ANK3: variants seen among roughly 807,000 people sequenced by gnomAD.
ANK3 encodes the protein ankyrin-3.
In ANK3, 57 loss-of-function variants were observed where a neutral mutation model predicts 370.9. That is an observed-to-expected ratio of 0.15 (90% CI 0.12 to 0.19). The LOEUF (loss-of-function observed/expected upper bound fraction) is 0.19. ANK3 is among the 10% of genes least tolerant of loss of function. The pLI is 1.00. For synonymous variants in ANK3, 1,929 were observed against 1,946.3 expected, an observed-to-expected ratio of 0.99 and a Z score of 0.23; for missense variants, 4,439 against 5,302.1, an observed-to-expected ratio of 0.84 and a Z score of 5.06.
intron 36 of ANK3, among the ~76,000 whole-genome samples, chr10:60,079,082 C>G (rs1028551904): frequency 6.6e-6 from 1 of 151,842 alleles, no homozygotes; most frequent in African/African-American, 2.4e-5. Context: ...TCTCAACCAA[C>G]TACCCACTGA....
At chr10:60,673,891 A>T (rs1178378490) in intron 1 of ANK3, among the ~76,000 whole-genome samples, 2 of 152,136 alleles carry the variant, frequency 1.3e-5, no homozygotes, top group Non-Finnish European at 2.9e-5. Context: ...GCATGATGCA[A>T]GGTGTTTGGT....
intron 43 of ANK3, among the ~76,000 whole-genome samples, chr10:60,036,832 C>G (rs967579858): frequency 4.6e-5 from 7 of 152,162 alleles, no homozygotes; most frequent in African/African-American, 1.7e-4. Flanking sequence ...GTAATCACAT[C>G]TGTTCACTGG....
intron 4 of ANK3, among the ~76,000 whole-genome samples, chr10:60,276,239 T>C (rs541097611): frequency 6.6e-6 from 1 of 152,322 alleles, no homozygotes; most frequent in East Asian, 1.9e-4. Context: ...TTTTACCCTA[T>C]TTTTTGTTGG....
intron 2 of ANK3, among the ~76,000 whole-genome samples, chr10:60,553,451 T>A (rs1475664601): frequency 2.0e-5 from 3 of 151,530 alleles, no homozygotes; most frequent in African/African-American, 7.2e-5. Context: ...TAATTCATAA[T>A]ATATTTTTAA....
At chr10:60,455,557 A>T (rs776860538) in intron 2 of ANK3, among the ~76,000 whole-genome samples, 1 of 152,180 alleles carries the variant, frequency 6.6e-6, no homozygotes, top group African/African-American at 2.4e-5. Context: ...TCATTGTTTA[A>T]ATAGTTTAAA....
chr10:60,691,210 T>C (rs1189961254), intron 1 of ANK3, among the ~76,000 whole-genome samples: 1 of 152,154 alleles, frequency 6.6e-6, no homozygotes, highest in South Asian at 2.1e-4. Context: ...CTGTGCTCAG[T>C]AGCTGGGTGA....
intron 2 of ANK3, among the ~76,000 whole-genome samples, chr10:60,403,125 CTT>C (rs1004266983): frequency 1.9e-4 from 29 of 152,070 alleles, no homozygotes; most frequent in African/African-American, 6.0e-4. Flanking sequence ...AAAAATACAA[CTT>C]ATCAAAACTG....
rs75874350 is a variant in ANK3, at chr10:60,284,618, A to G, written c.115-4979T>C. ...CATCAGTTCATCCATTTGTCTCTCC[A>G]TCCATTGAATTAACTATTTTAGGCA... On this transcript the variant is annotated intron_variant, in intron 1 of 43. Transcript: ENST00000280772. 9.3e-3 allele frequency among the ~76,000 whole-genome samples: 1,412 copies of G among 152,208 alleles called. 23 individuals are homozygous for G. Among genetic ancestry groups the G allele is most frequent in the African/African-American group, 0.033 (1,360 of 41,516 alleles).
chr10:60,588,462 C>T (rs867646589), intron 2 of ANK3, among the ~76,000 whole-genome samples: 2 of 151,550 alleles, frequency 1.3e-5, no homozygotes, highest in African/African-American at 2.4e-5. Context: ...GGATTACAGG[C>T]GTGAGCCACA....
intron 32 of ANK3, chr10:60,084,146 CAT>C: frequency 6.5e-6 from 1 of 154,174 alleles, no homozygotes; most frequent in Non-Finnish European, 1.4e-5. Flanking sequence ...CGTGGTGACT[CAT>C]GTAATGCCAG....
intron 1 of ANK3, among the ~76,000 whole-genome samples, chr10:60,368,230 T>C (rs1015644489): frequency 1.1e-4 from 16 of 149,532 alleles, no homozygotes; most frequent in African/African-American, 2.2e-4. Context: ...CTAGTGCATG[T>C]ACACACACAC....
chr10:60,261,764 T>G, intron 7 of ANK3, 95 bp downstream of exon 7: 2 of 1,053,944 alleles, frequency 1.9e-6, no homozygotes, highest in Non-Finnish European at 2.9e-6. Context: ...GAAGGACTCT[T>G]GGAGAAAATT....
At chr10:60,622,302 C>T (rs1201652293) in intron 1 of ANK3, among the ~76,000 whole-genome samples, 1 of 151,614 alleles carries the variant, frequency 6.6e-6, no homozygotes, top group Non-Finnish European at 1.5e-5. Context: ...TGGAGTGCAG[C>T]AGCATGATCT....
intron 8 of ANK3, among the ~76,000 whole-genome samples, chr10:60,228,594 T>C (rs1178013316): frequency 6.6e-6 from 1 of 151,880 alleles, no homozygotes; most frequent in Non-Finnish European, 1.5e-5. Flanking sequence ...TCTTATAAGA[T>C]GTTACATGTT....
intron 1 of ANK3, among the ~76,000 whole-genome samples, chr10:60,386,501 ACT>A (rs1237772131): frequency 6.6e-6 from 1 of 151,530 alleles, no homozygotes; most frequent in Non-Finnish European, 1.5e-5. Context: ...CTTTATTAAA[ACT>A]CAACTAATTA....
intron 1 of ANK3, among the ~76,000 whole-genome samples, chr10:60,638,558 C>G (rs1178675455): frequency 6.6e-6 from 1 of 151,506 alleles, no homozygotes; most frequent in African/African-American, 2.4e-5. Flanking sequence ...TCCATCAAAA[C>G]AGAAACAGAA....
chr10:60,709,206 T>C (rs938009360), intron 1 of ANK3, among the ~76,000 whole-genome samples: 2 of 152,110 alleles, frequency 1.3e-5, no homozygotes, highest in African/African-American at 4.8e-5. Flanking sequence ...GACTGGAAGT[T>C]TTAAGCAAGA....
Position 60,200,123 on chromosome 10 carries a change from G to T in ANK3, c.1491+6C>A, listed in dbSNP as rs76733192. The stretch of plus-strand genomic sequence containing the variant: ...ATTTCAAACACTTGTCAAGTATTGC[G>T]CATACCTTAGCTTTAGCTTCTACCT... On this transcript the variant is annotated splice_donor_region_variant and intron_variant, in intron 13 of 43. Transcript: ENST00000280772. 7 of 1,610,224 alleles carry T rather than the reference G, an allele frequency of 4.3e-6. No homozygotes were observed. The highest frequency in any genetic ancestry group is 5.9e-6 in the Non-Finnish European group (7 of 1,176,766).
intron 2 of ANK3, among the ~76,000 whole-genome samples, chr10:60,429,665 A>T (rs1418704925): frequency 6.6e-6 from 1 of 152,172 alleles, no homozygotes; most frequent in Non-Finnish European, 1.5e-5. Flanking sequence ...TTGGCTCCCA[A>T]CTGGCAAAAA....
Sources: allele counts gnomAD v4.1 joint callset (sites outside exome capture counted in the v4.1 genomes callset), GRCh38; gene constraint gnomAD v4.1.1; transcripts MANE v1.5; gene names NCBI Gene and HGNC (gene_info 2026-07-23, HGNC 2026-07-21).